The following RNF38 variants were observed in gnomAD, a reference collection of about 807,000 sequenced individuals.
The protein encoded by RNF38 is E3 ubiquitin-protein ligase RNF38.
In RNF38, 15 loss-of-function variants were observed where a neutral mutation model predicts 67.2. The observed-to-expected ratio is 0.22, with a 90% confidence interval of 0.15 to 0.34. The LOEUF is 0.34. Among genes scored for constraint, RNF38 ranks in the 10% least tolerant of loss-of-function variants. The probability of loss-of-function intolerance (pLI) is 1.00; values close to 1 mark genes in which losing one functional copy is unlikely to be tolerated. For missense variants in RNF38, 524 were observed against 639.9 expected (o/e 0.82, Z 1.95); for synonymous variants, 220 against 218.8 (o/e 1.01, Z -0.05).
At chr9:36,433,702 AAG>A (rs1838989876) in intron 1 of RNF38, among the ~76,000 whole-genome samples, 1 of 151,600 alleles carries the variant, frequency 6.6e-6, no homozygotes, top group African/African-American at 2.4e-5. Flanking sequence ...AAAAAAAAAA[AAG>A]AAAGAAAATA....
Position 36,356,937 on chromosome 9 carries a change from C to CA in RNF38, c.739-465dup, listed in dbSNP as rs1176910373. Among the ~76,000 whole-genome samples, 3 of 152,194 alleles carry CA rather than the reference C, an allele frequency of 2.0e-5. No individual in the cohort carries two copies. In the East Asian group the frequency reaches 5.8e-4, roughly 29 times the overall value. Reference sequence around the variant, plus strand: ...TATAATCTCTCAGTATTTTAGTTCCCAAATTTGGTACAATGTTTCTATTAC... The same window carrying CA: ...TATAATCTCTCAGTATTTTAGTTCCCAAAATTTGGTACAATGTTTCTATTAC... On this transcript the variant is annotated intron_variant, in intron 5 of 11. Coordinates refer to ENST00000259605, the MANE Select transcript of RNF38 (RefSeq NM_022781.5).
rs1834121599 is a variant in RNF38 at position 36,356,607 on chromosome 9, A to G, written c.739-134T>C. The G allele has an allele frequency of 8.3e-6, 5 of 603,924 alleles. No homozygotes were observed. In the South Asian group the frequency reaches 1.3e-4, roughly 16 times the overall value. 37.4% of individuals were successfully genotyped at this position (603,924 alleles called of 1,614,324 possible). On this transcript the variant is annotated intron_variant, in intron 5 of 11. Transcript: ENST00000259605. ...AAAATGTTTTTAATAGCTTATATTA[A>G]CAATGAAATACCAGTGTATTTTTTA...
chr9:36,446,701 G>C (rs374890885), intron 1 of RNF38, among the ~76,000 whole-genome samples: 2 of 151,042 alleles, frequency 1.3e-5, no homozygotes, highest in African/African-American at 4.9e-5. Flanking sequence ...CCAGCTACAC[G>C]GGACGCTGAG....
In RNF38 at chr9:36,353,240, G is replaced by C; in HGVS notation, c.1001C>G (p.Thr334Arg). ...FTYPPSAHPPTLPPSAPLQFL... is the reference protein window; with the variant it reads ...FTYPPSAHPPRLPPSAPLQFL... ...CTGCAAGGGAGCTGATGGAGGTAATGTTGGGGGGTGGGCTGATGGAGGGTA... is the reference window on the plus strand; with the variant it reads ...CTGCAAGGGAGCTGATGGAGGTAATCTTGGGGGGTGGGCTGATGGAGGGTA... Residue 334 changes from threonine to arginine, a missense_variant, in exon 7 of 12, where the codon ACA (threonine) becomes AGA (arginine). Physicochemically the swap from Thr to Arg is moderately conservative, Grantham distance 71. Around this residue, in one of 2 missense-constraint regions of RNF38, gnomAD observed 461 missense variants for 517.4 expected, o/e 0.89. Coordinates refer to ENST00000259605, the MANE Select transcript of RNF38 (RefSeq NM_022781.5). 1 of 1,613,078 alleles carries C rather than the reference G, an allele frequency of 6.2e-7. No homozygotes were observed. Among genetic ancestry groups the C allele is most frequent in the East Asian group, 2.2e-5 (1 of 44,874 alleles).
chr9:36,345,931 G>T (rs187770448), intron 9 of RNF38, among the ~76,000 whole-genome samples: 1 of 152,128 alleles, frequency 6.6e-6, no homozygotes, highest in African/African-American at 2.4e-5. Flanking sequence ...TATAAATAGG[G>T]AGATGTGAAT....
chr9:36,482,350 G>GA (rs1840290646), intron 1 of RNF38, among the ~76,000 whole-genome samples: 2 of 69,960 alleles, frequency 2.9e-5, no homozygotes. Flanking sequence ...ACTGTGCCCA[G>GA]ACCTTTTTTT....
At chr9:36,365,176 T>C (rs1273024554) in intron 4 of RNF38, among the ~76,000 whole-genome samples, 3 of 152,014 alleles carry the variant, frequency 2.0e-5, no homozygotes, top group Admixed American at 6.6e-5. Context: ...CTACTGAAAA[T>C]TTATTTGGGA....
intron 6 of RNF38, among the ~76,000 whole-genome samples, chr9:36,355,902 A>C (rs944221763): frequency 1.3e-5 from 2 of 152,190 alleles, no homozygotes; most frequent in African/African-American, 4.8e-5. Context: ...GCTGGAGTGC[A>C]GTGGCATGAT....
intron 1 of RNF38, among the ~76,000 whole-genome samples, chr9:36,443,035 C>T (rs1839227915): frequency 1.3e-5 from 2 of 152,186 alleles, no homozygotes; most frequent in African/African-American, 2.4e-5. Context: ...GAAATGTGAA[C>T]CTAGAAGAAA....
At chr9:36,375,729 A>G (rs192805899) in intron 3 of RNF38, among the ~76,000 whole-genome samples, 4 of 152,222 alleles carry the variant, frequency 2.6e-5, no homozygotes, top group East Asian at 1.9e-4. Context: ...GCCTCTTTCC[A>G]TTTCTTCATC....
chr9:36,483,809 G>T (rs1587226898), intron 1 of RNF38, among the ~76,000 whole-genome samples: 1 of 151,966 alleles, frequency 6.6e-6, no homozygotes, highest in Non-Finnish European at 1.5e-5. Flanking sequence ...GACCCTTTTT[G>T]CCCTTACTTT....
intron 1 of RNF38, among the ~76,000 whole-genome samples, chr9:36,457,323 T>C (rs1839617186): frequency 6.6e-6 from 1 of 152,222 alleles, no homozygotes; most frequent in African/African-American, 2.4e-5. Flanking sequence ...GAGTAAGGCA[T>C]GCTTTAAACA....
chr9:36,337,448 GAGA>G lies in RNF38; in HGVS notation c.*2301_*2303del, dbSNP rs1262692749. 4.6e-5 allele frequency: 7 copies of G among 152,818 alleles called. No individual in the cohort carries two copies. Among genetic ancestry groups the G allele is most frequent in the Non-Finnish European group, 4.4e-5 (3 of 68,014 alleles). The allele number at this position is 152,818 out of a possible 1,614,324, so 9.5% of individuals were successfully genotyped here. A position where few individuals can be genotyped will look rare whatever the true frequency, so the allele number is the denominator to read the frequency against. ...GACATTATAAGAATTCATAGAGGGA[GAGA>G]AGAAAAAGCTGCTACTCCTAGTCAT... On this transcript the variant is annotated 3_prime_UTR_variant, in exon 12 of 12. Transcript: ENST00000259605.
chr9:36,474,978 CT>C (rs1401689878), intron 1 of RNF38, among the ~76,000 whole-genome samples: 1 of 146,382 alleles, frequency 6.8e-6, no homozygotes, highest in African/African-American at 2.5e-5. Context: ...CCCATGTCTA[CT>C]AAAAATAAAA....
chr9:36,477,514 A>T (rs1840148089), intron 1 of RNF38, among the ~76,000 whole-genome samples: 1 of 151,780 alleles, frequency 6.6e-6, no homozygotes, highest in Non-Finnish European at 1.5e-5. Flanking sequence ...CCATGTCACA[A>T]AAAAGTTTAA....
At chr9:36,409,316 A>G (rs961492932) in intron 2 of RNF38, among the ~76,000 whole-genome samples, 8 of 138,250 alleles carry the variant, frequency 5.8e-5, no homozygotes, top group Non-Finnish European at 1.3e-4. Flanking sequence ...AAAAAGAAAG[A>G]AAGAAAGAAA....
At position 36,484,893 on chromosome 9, in the gene RNF38, G is replaced by A. The variant is rs538844807; in HGVS notation, n.241+2415C>T. Among the ~76,000 whole-genome samples, 9 of 152,268 alleles carry A rather than the reference G, an allele frequency of 5.9e-5. No homozygotes were observed. The South Asian group carries it at 8.3e-4, about 14-fold the overall frequency. Reference sequence around the variant, plus strand: ...CTAAAAATGTATGTATTGGCCGGGCGCGGTGGCTCACGCCTGTAATCCCAG... The same window carrying A: ...CTAAAAATGTATGTATTGGCCGGGCACGGTGGCTCACGCCTGTAATCCCAG... On this transcript the variant is annotated intron_variant and non_coding_transcript_variant, in intron 1 of 3. Coordinates refer to the RNF38 transcript ENST00000488058.
chr9:36,437,629 A>G (rs1839100523), intron 1 of RNF38, among the ~76,000 whole-genome samples: 2 of 152,196 alleles, frequency 1.3e-5, no homozygotes, highest in Non-Finnish European at 2.9e-5. Flanking sequence ...GGTGCTGGCA[A>G]GGAGGACAAA....
At chr9:36,376,216 C>T in intron 2 of RNF38, 89 bp from the exon 3 acceptor site, 9 of 980,280 alleles carry the variant, frequency 9.2e-6, no homozygotes, top group Non-Finnish European at 1.3e-5. Flanking sequence ...ATGTACTTAA[C>T]CTAAAATCTA....
Sources: gnomAD v4.1 joint callset for allele counts (sites outside exome capture counted in the v4.1 genomes callset) on GRCh38, gnomAD v4.1.1 for gene constraint, gnomAD v4.1.1 regional missense constraint, MANE v1.5 for transcripts, NCBI Gene and HGNC (gene_info 2026-07-23, HGNC 2026-07-21) for gene names.